GATAD2A: variants seen among roughly 807,000 people sequenced by gnomAD.
GATAD2A encodes transcriptional repressor p66-alpha.
In GATAD2A, 12 loss-of-function variants were observed where a neutral mutation model predicts 68.5. That is an observed-to-expected ratio of 0.18 (90% CI 0.11 to 0.28). The LOEUF is 0.28. Among genes scored for constraint, GATAD2A ranks in the 10% least tolerant of loss-of-function variants. GATAD2A has a pLI of 1.00. For missense variants in GATAD2A, 755 were observed against 868.5 expected (o/e 0.87, Z 1.64); for synonymous variants, 410 against 375.3 (o/e 1.09, Z -1.07).
intron 1 of GATAD2A, among the ~76,000 whole-genome samples, chr19:19,416,692 A>C (rs1320419061): frequency 6.6e-6 from 1 of 151,996 alleles, no homozygotes; most frequent in Admixed American, 6.6e-5. Context: ...GCTTGGAAAA[A>C]TTGGAGTAGT....
chr19:19,500,223 C>T (rs944453864), intron 8 of GATAD2A, among the ~76,000 whole-genome samples: 6 of 152,228 alleles, frequency 3.9e-5, no homozygotes, highest in Non-Finnish European at 7.3e-5. Context: ...TGGCGCCGCT[C>T]ACGCTGGCCA....
chr19:19,401,435 G>C (rs1370638151), upstream of GATAD2A, among the ~76,000 whole-genome samples: 3 of 151,874 alleles, frequency 2.0e-5, no homozygotes, highest in Non-Finnish European at 1.5e-5. Flanking sequence ...GGATGGTCTC[G>C]ATCTCCTGAT....
chr19:19,432,377 C>T (rs970157760), intron 1 of GATAD2A, among the ~76,000 whole-genome samples: 2 of 152,242 alleles, frequency 1.3e-5, no homozygotes, highest in African/African-American at 4.8e-5. Context: ...TTTCAGCTCA[C>T]TGCAACCTCT....
rs2060901071 is a variant in GATAD2A at position 19,507,213 on chromosome 19, GTT to G, written c.*1744_*1745del. 1 of 82,936 alleles carries G rather than the reference GTT, an allele frequency of 1.2e-5. No homozygotes were observed. Among genetic ancestry groups the G allele is most frequent in the Non-Finnish European group, 2.3e-5 (1 of 43,378 alleles). The allele number at this position is 82,936 out of a possible 1,614,324, so 5.1% of individuals were successfully genotyped here. On this transcript the variant is annotated 3_prime_UTR_variant, in exon 12 of 12. Transcript: ENST00000683918. The stretch of plus-strand genomic sequence containing the variant: ...TTTGGGGAAAAGGAAGGAATTTGAT[GTT>G]TTTTGGGGTGGGAGGGGAGGGTGTG...
At chr19:19,478,256 C>T (rs952357172) in intron 2 of GATAD2A, among the ~76,000 whole-genome samples, 9 of 152,298 alleles carry the variant, frequency 5.9e-5, no homozygotes, top group Non-Finnish European at 1.0e-4. Flanking sequence ...GGGCCCCAGA[C>T]AGCAGTTGGA....
chr19:19,471,829 A>G (rs2058335014), intron 2 of GATAD2A, among the ~76,000 whole-genome samples: 1 of 151,904 alleles, frequency 6.6e-6, no homozygotes, highest in South Asian at 2.1e-4. Flanking sequence ...GGTCGTGGGC[A>G]TGTGCTGCCC....
In GATAD2A at chr19:19,425,077, A is replaced by C. The variant is rs548608347; in HGVS notation, c.-7+19058A>C. Among the ~76,000 whole-genome samples the C allele has an allele frequency of 1.1e-3, 171 of 152,106 alleles. 6 individuals carry two copies. The highest frequency in any genetic ancestry group is 7.2e-4 in the Non-Finnish European group (49 of 68,010). On this transcript the variant is annotated intron_variant, in intron 1 of 11. Coordinates refer to ENST00000683918, the MANE Select transcript of GATAD2A (RefSeq NM_001384528.1). ...CCTGTGCAACAATAAAAAAAAAAAA[A>C]AAACCCAAACTTGAGAAAACTTGCC...
intron 1 of GATAD2A, among the ~76,000 whole-genome samples, chr19:19,399,788 A>G (rs1231473749): frequency 2.6e-5 from 4 of 152,102 alleles, no homozygotes; most frequent in African/African-American, 9.7e-5. Flanking sequence ...TGTTAGGAAA[A>G]CATTTGGGAG....
At chr19:19,477,039 A>C (rs368716926) in intron 2 of GATAD2A, among the ~76,000 whole-genome samples, 10 of 152,260 alleles carry the variant, frequency 6.6e-5, no homozygotes, top group African/African-American at 2.4e-4. Context: ...CACTTTGTGA[A>C]TGCCTCTTGT....
At position 19,501,145 on chromosome 19, in the gene GATAD2A, T is replaced by C. The variant is rs924869729; in HGVS notation, c.1232T>C (p.Leu411Pro). The C allele has an allele frequency of 2.5e-6, 4 of 1,612,372 alleles. No individual in the cohort carries two copies. The African/African-American group carries it at 4.0e-5, about 16-fold the overall frequency. ...GGCAGGATGTCGGCCGCCACTGTGC[T>C]GTCCCGGGAGCCCTACATGTGTGCA... ...QAGRMSAATVLSREPYMCAQC... is the reference protein window; with the variant it reads ...QAGRMSAATVPSREPYMCAQC... Residue 411 changes from leucine (L) to proline (P), a missense_variant, in exon 9 of 12, where the codon CTG (leucine) becomes CCG (proline). By Grantham distance (98) the Leu-to-Pro change is moderately conservative. Coordinates refer to ENST00000683918, the MANE Select transcript of GATAD2A (RefSeq NM_001384528.1).
intron 1 of GATAD2A, among the ~76,000 whole-genome samples, chr19:19,390,689 G>C (rs962445978): frequency 6.6e-6 from 1 of 152,180 alleles, no homozygotes; most frequent in Non-Finnish European, 1.5e-5. Flanking sequence ...TGGACTTGAA[G>C]AATTGTGGGA....
intron 1 of GATAD2A, among the ~76,000 whole-genome samples, chr19:19,444,964 G>T (rs1427078044): frequency 6.6e-6 from 1 of 151,938 alleles, no homozygotes; most frequent in East Asian, 1.9e-4. Context: ...CTGAGGTGGG[G>T]CTCTGCTGGT....
At chr19:19,389,163 T>C (rs1005519159) in intron 1 of GATAD2A, among the ~76,000 whole-genome samples, 1 of 152,036 alleles carries the variant, frequency 6.6e-6, no homozygotes, top group Non-Finnish European at 1.5e-5. Context: ...GGAGCCCAAG[T>C]AGATGAATGC....
At chr19:19,476,554 A>G (rs973404255) in intron 2 of GATAD2A, among the ~76,000 whole-genome samples, 18 of 152,236 alleles carry the variant, frequency 1.2e-4, no homozygotes, top group Non-Finnish European at 2.2e-4. Context: ...CTTCCCTGCC[A>G]TGCTGCAAGC....
At chr19:19,471,012 T>C (rs948191733) in intron 2 of GATAD2A, among the ~76,000 whole-genome samples, 3 of 152,070 alleles carry the variant, frequency 2.0e-5, no homozygotes, top group Admixed American at 6.6e-5. Flanking sequence ...TCCCAGCACA[T>C]TGGGAGGCCG....
intron 1 of GATAD2A, among the ~76,000 whole-genome samples, chr19:19,448,294 G>A (rs967095730): frequency 1.1e-4 from 16 of 152,354 alleles, no homozygotes; most frequent in African/African-American, 3.6e-4. Flanking sequence ...CTTGGGCAGC[G>A]TCTGTTTCTC....
At chr19:19,450,092 C>G (rs1434733110) in intron 1 of GATAD2A, among the ~76,000 whole-genome samples, 1 of 152,150 alleles carries the variant, frequency 6.6e-6, no homozygotes, top group Non-Finnish European at 1.5e-5. Flanking sequence ...CACCTGGTCC[C>G]TTTCATTTTT....
At chr19:19,469,259 G>A (rs944734892) in intron 2 of GATAD2A, among the ~76,000 whole-genome samples, 4 of 151,718 alleles carry the variant, frequency 2.6e-5, no homozygotes, top group Admixed American at 1.3e-4. Context: ...GTGAAACCCC[G>A]TCTCTACTAA....
chr19:19,431,210 A>G (rs188909212), intron 1 of GATAD2A, among the ~76,000 whole-genome samples: 1 of 151,628 alleles, frequency 6.6e-6, no homozygotes, highest in African/African-American at 2.4e-5. Context: ...TCCAAATGAT[A>G]GATTAGTGGA....
Sources: allele counts gnomAD v4.1 joint callset (sites outside exome capture counted in the v4.1 genomes callset), GRCh38; gene constraint gnomAD v4.1.1; transcripts MANE v1.5; gene names NCBI Gene and HGNC (gene_info 2026-07-23, HGNC 2026-07-21).